The following SNX6 variants were observed in gnomAD, a reference collection of about 807,000 sequenced individuals.
The protein encoded by SNX6 is sorting nexin-6.
SNX6 carries 34 observed loss-of-function variants against 63.0 expected under a neutral mutation model. That is an observed-to-expected ratio of 0.54 (90% confidence interval 0.41 to 0.72). The LOEUF is 0.72. Ranked by LOEUF, SNX6 falls within the 30% of genes least tolerant of loss-of-function variation. The pLI is 0.00. For synonymous variants in SNX6, 170 were observed against 164.2 expected, an observed-to-expected ratio of 1.04 and a Z score of -0.27; for missense variants, 398 against 471.4, an observed-to-expected ratio of 0.84 and a Z score of 1.44.
At chr14:34,577,001 G>C (rs903934786) in intron 10 of SNX6, among the ~76,000 whole-genome samples, 3 of 151,892 alleles carry the variant, frequency 2.0e-5, no homozygotes, top group Non-Finnish European at 4.4e-5. Flanking sequence ...AGTGAGCCAA[G>C]ATTGAGCCAC....
At chr14:34,592,578 T>C (rs1882439572) in intron 8 of SNX6, among the ~76,000 whole-genome samples, 1 of 152,116 alleles carries the variant, frequency 6.6e-6, no homozygotes, top group Non-Finnish European at 1.5e-5. Context: ...TTTGTTGCTG[T>C]CTAGACAGTC....
intron 11 of SNX6, chr14:34,575,545 A>G (rs929431254): frequency 8.3e-6 from 2 of 242,402 alleles, no homozygotes; most frequent in Non-Finnish European, 1.6e-5. Flanking sequence ...GAAGTATAAT[A>G]AAGAGGAAAC....
intron 4 of SNX6, among the ~76,000 whole-genome samples, chr14:34,606,132 C>A (rs1333539535): frequency 4.6e-5 from 7 of 151,636 alleles, no homozygotes; most frequent in Non-Finnish European, 1.0e-4. Context: ...CAAAATCGCA[C>A]CGCTGCACTC....
chr14:34,592,159 G>A (rs567651201), intron 8 of SNX6, among the ~76,000 whole-genome samples: 14 of 152,174 alleles, frequency 9.2e-5, no homozygotes, highest in South Asian at 6.2e-4. Flanking sequence ...AGGCCAAGGC[G>A]GGTGGATCAT....
At chr14:34,578,953 A>AAAAAAAAAAAG (rs1881827013) in intron 10 of SNX6, among the ~76,000 whole-genome samples, 1 of 147,578 alleles carries the variant, frequency 6.8e-6, no homozygotes, top group Non-Finnish European at 1.5e-5. Flanking sequence ...AAAAAAAAAA[A>AAAAAAAAAAAG]AAAAAAAAAA....
chr14:34,617,132 A>C (rs1437659197), intron 2 of SNX6, among the ~76,000 whole-genome samples: 2 of 151,370 alleles, frequency 1.3e-5, no homozygotes, highest in Admixed American at 1.3e-4. Context: ...AGTTTGAAGA[A>C]ATTTCTAATT....
intron 4 of SNX6, among the ~76,000 whole-genome samples, chr14:34,606,050 T>A (rs1007034608): frequency 6.6e-6 from 1 of 151,730 alleles, no homozygotes; most frequent in Non-Finnish European, 1.5e-5. Flanking sequence ...GGCAGGCACC[T>A]GTAATCCCAG....
At chr14:34,565,313 G>A (rs895353548) in intron 13 of SNX6, among the ~76,000 whole-genome samples, 3 of 151,778 alleles carry the variant, frequency 2.0e-5, no homozygotes, top group Non-Finnish European at 2.9e-5. Flanking sequence ...TCCTGACCTC[G>A]TGATCTGCCC....
chr14:34,616,540 T>C (rs769187151), intron 2 of SNX6, among the ~76,000 whole-genome samples: 13 of 152,206 alleles, frequency 8.5e-5, no homozygotes, highest in Non-Finnish European at 1.5e-4. Context: ...CAGCTAATTT[T>C]TGAGATGGGA....
At chr14:34,567,524 A>G (rs1242103297) in intron 13 of SNX6, among the ~76,000 whole-genome samples, 162 bp downstream of exon 13, 1 of 152,124 alleles carries the variant, frequency 6.6e-6, no homozygotes, top group East Asian at 1.9e-4. Context: ...CAGACCAACT[A>G]TTTTGAAGCA....
chr14:34,570,240 T>C (rs1440476274), intron 11 of SNX6, among the ~76,000 whole-genome samples: 1 of 151,962 alleles, frequency 6.6e-6, no homozygotes, highest in Non-Finnish European at 1.5e-5. Flanking sequence ...TGGCTAATTT[T>C]GTATTTTTAG....
intron 2 of SNX6, among the ~76,000 whole-genome samples, chr14:34,613,962 G>T (rs931072734): frequency 6.6e-6 from 1 of 151,816 alleles, no homozygotes; most frequent in African/African-American, 2.4e-5. Flanking sequence ...ACAAAAATTA[G>T]CTGGGCCTGG....
intron 13 of SNX6, among the ~76,000 whole-genome samples, chr14:34,567,302 C>T (rs947384224): frequency 1.3e-5 from 2 of 151,710 alleles, no homozygotes; most frequent in Admixed American, 1.3e-4. Flanking sequence ...GCCTGACCAA[C>T]ATGGTGAAAC....
chr14:34,583,850 C>CTT (rs67586044), intron 9 of SNX6, among the ~76,000 whole-genome samples: 7,442 of 142,778 alleles, frequency 0.052, 680 homozygotes, highest in African/African-American at 0.18. Flanking sequence ...GGGAAGGTGG[C>CTT]TTTTTTTTTT....
intron 2 of SNX6, among the ~76,000 whole-genome samples, chr14:34,620,761 C>G (rs938851327): frequency 2.0e-5 from 3 of 151,878 alleles, no homozygotes; most frequent in Non-Finnish European, 2.9e-5. Flanking sequence ...GGCAACATAG[C>G]GAAACCCTGT....
chr14:34,567,673 A>G lies in SNX6; in HGVS notation c.1167+13T>C, dbSNP rs1314585887. On this transcript the variant is annotated intron_variant, in intron 13 of 13. Transcript: ENST00000362031. The stretch of plus-strand genomic sequence containing the variant: ...ATGTAACTTAAATTATTAAATCTTT[A>G]TTACAACACTACCTTTGCATGCTTC... The G allele has an allele frequency of 6.3e-7, 1 of 1,597,366 alleles. No homozygotes were observed. Among genetic ancestry groups the G allele is most frequent in the Admixed American group, 1.7e-5 (1 of 59,540 alleles).
intron 11 of SNX6, among the ~76,000 whole-genome samples, chr14:34,572,304 A>C (rs911391440): frequency 6.6e-6 from 1 of 152,132 alleles, no homozygotes; most frequent in African/African-American, 2.4e-5. Flanking sequence ...CACAACTATA[A>C]TCCCAACACC....
intron 11 of SNX6, among the ~76,000 whole-genome samples, chr14:34,570,098 C>T (rs529682605): frequency 2.0e-5 from 3 of 149,006 alleles, no homozygotes; most frequent in Admixed American, 6.7e-5. Flanking sequence ...GATGGAGTTT[C>T]GCTGTTTTTG....
chr14:34,613,239 T>C (rs561265553), intron 2 of SNX6, among the ~76,000 whole-genome samples: 45 of 152,316 alleles, frequency 3.0e-4, no homozygotes, highest in African/African-American at 9.4e-4. Context: ...CCCTGCCAGG[T>C]TGACATCCTG....
Sources: allele counts gnomAD v4.1 joint callset (sites outside exome capture counted in the v4.1 genomes callset), GRCh38; gene constraint gnomAD v4.1.1; transcripts MANE v1.5; gene names NCBI Gene and HGNC (gene_info 2026-07-23, HGNC 2026-07-21).